NDUFAF6: variants seen among roughly 807,000 people sequenced by gnomAD.
The protein encoded by NDUFAF6 is NADH dehydrogenase (ubiquinone) complex I, assembly factor 6.
Under a neutral mutation model 40.8 loss-of-function variants are expected in NDUFAF6, and 45 were observed. That is an observed-to-expected ratio of 1.10 (90% CI 0.87 to 1.42). NDUFAF6 has a LOEUF of 1.42. NDUFAF6 is among the 40% of genes most tolerant of loss of function. NDUFAF6 has a pLI of 0.00. For synonymous variants in NDUFAF6, 185 were observed against 155.9 expected (o/e 1.19, Z -1.39); for missense variants, 435 against 418.5 (o/e 1.04, Z -0.34).
intron 1 of NDUFAF6, among the ~76,000 whole-genome samples, chr8:94,931,394 A>G (rs1490374528): frequency 6.6e-6 from 1 of 151,932 alleles, no homozygotes. Context: ...AAGACTCTTG[A>G]ATAACACAAT....
chr8:94,912,265 T>G (rs1198554833), intron 1 of NDUFAF6, among the ~76,000 whole-genome samples: 1 of 152,248 alleles, frequency 6.6e-6, no homozygotes, highest in Non-Finnish European at 1.5e-5. Flanking sequence ...TTCCTACAAG[T>G]GCATTATTTG....
At chr8:94,973,267 G>A (rs1275827369) in intron 1 of NDUFAF6, among the ~76,000 whole-genome samples, 1 of 151,926 alleles carries the variant, frequency 6.6e-6, no homozygotes, top group African/African-American at 2.4e-5. Context: ...TCTGTAAAAT[G>A]GAGATGATAG....
At chr8:94,993,736 A>G (rs55865568) in intron 2 of NDUFAF6, among the ~76,000 whole-genome samples, 16,235 of 152,194 alleles carry the variant, frequency 0.11, 1,658 homozygotes, top group African/African-American at 0.27. Context: ...AAGACAAGCT[A>G]AAGAAGTGCC....
chr8:95,024,900 A>T, upstream of NDUFAF6: 1 of 969,218 alleles, frequency 1.0e-6, no homozygotes, highest in Non-Finnish European at 1.3e-6. Flanking sequence ...CGGCGTCCAG[A>T]GGCTGCCTTC....
At chr8:95,073,630 C>T (rs1293964299) in intron 9 of NDUFAF6, among the ~76,000 whole-genome samples, 1 of 152,178 alleles carries the variant, frequency 6.6e-6, no homozygotes, top group Non-Finnish European at 1.5e-5. Flanking sequence ...ATTCTAACAC[C>T]TTCACTGGGT....
chr8:95,087,438 T>C (rs10087402), intron 2 of NDUFAF6, among the ~76,000 whole-genome samples: 12,409 of 152,276 alleles, frequency 0.081, 627 homozygotes, highest in Middle Eastern at 0.14. Flanking sequence ...TGGGACTTTT[T>C]TTCATCCCAT....
intron 5 of NDUFAF6, 26 bp downstream of exon 5, chr8:95,045,673 T>A: frequency 6.4e-7 from 1 of 1,560,884 alleles, no homozygotes; most frequent in Non-Finnish European, 8.8e-7. Context: ...GTTTCATACT[T>A]CTTTTTTCCA....
intron 3 of NDUFAF6, chr8:95,040,996 TGGA>T (rs1166546505): frequency 1.3e-5 from 2 of 152,396 alleles, no homozygotes; most frequent in East Asian, 3.8e-4. Context: ...TTATTTTTGT[TGGA>T]GTTTTAGTTA....
rs775698110 is a variant in NDUFAF6, at chr8:95,057,947, A to C, written c.*10A>C. The C allele has an allele frequency of 2.0e-6, 3 of 1,516,950 alleles. No homozygotes were observed. 94.0% of individuals were successfully genotyped at this position (1,516,950 alleles called of 1,614,324 possible). ...GAGAAAAACATATTAAAATAATTTC[A>C]TGGCATTGATGTTAATTCTAGTCTA... On this transcript the variant is annotated 3_prime_UTR_variant, in exon 9 of 9. Coordinates refer to ENST00000396124, the MANE Select transcript of NDUFAF6 (RefSeq NM_152416.4).
At chr8:94,947,955 A>G (rs930406355) in intron 2 of NDUFAF6, among the ~76,000 whole-genome samples, 1 of 152,258 alleles carries the variant, frequency 6.6e-6, no homozygotes, top group Non-Finnish European at 1.5e-5. Flanking sequence ...ATGTATTTCA[A>G]TTACCAGGCT....
At chr8:95,075,755 A>G (rs1276291242) in exon 10 of NDUFAF6, 5 of 1,258,950 alleles carry the variant, frequency 4.0e-6, no homozygotes, top group African/African-American at 1.5e-5. Context: ...TTCTCCAGGT[A>G]CTTGAGCTTG....
At chr8:95,025,429 C>T (rs1162748610) in intron 1 of NDUFAF6, among the ~76,000 whole-genome samples, 1 of 152,228 alleles carries the variant, frequency 6.6e-6, no homozygotes, top group Non-Finnish European at 1.5e-5. Flanking sequence ...CTTCGACTGC[C>T]CACGCTTGTC....
chr8:95,062,366 A>G (rs1339330913), downstream of NDUFAF6, among the ~76,000 whole-genome samples: 1 of 152,226 alleles, frequency 6.6e-6, no homozygotes, highest in Non-Finnish European at 1.5e-5. Flanking sequence ...ATAGTGACCT[A>G]CATCTAGTAA....
intron 4 of NDUFAF6, among the ~76,000 whole-genome samples, chr8:95,111,844 G>T (rs576017563): frequency 3.9e-5 from 6 of 152,290 alleles, no homozygotes; most frequent in Admixed American, 1.3e-4. Context: ...TCATACAAAT[G>T]ACCATATATT....
At chr8:94,937,774 T>C (rs1215494493) in intron 1 of NDUFAF6, among the ~76,000 whole-genome samples, 3 of 152,184 alleles carry the variant, frequency 2.0e-5, no homozygotes, top group Non-Finnish European at 4.4e-5. Flanking sequence ...CTAAGGGTCT[T>C]ATGGGGGTTA....
At chr8:94,965,229 A>G (rs1586829576) in intron 1 of NDUFAF6, among the ~76,000 whole-genome samples, 1 of 146,096 alleles carries the variant, frequency 6.8e-6, no homozygotes, top group Non-Finnish European at 1.5e-5. Context: ...GGCCATATAC[A>G]TATCGAAGGT....
rs548184708 is a variant in NDUFAF6 at position 95,066,936 on chromosome 8, G to T, written c.*512-8697G>T. ...CAGATGTGAACCATAATAACCAGGA[G>T]AAGTGGCATGCTGGGCCCAGGGCCC... is the stretch of plus-strand genomic sequence containing the variant. On this transcript the variant is annotated intron_variant and NMD_transcript_variant, in intron 9 of 9. Coordinates refer to the NDUFAF6 transcript ENST00000520757. The T allele has an allele frequency of 2.0e-5, 3 of 152,328 alleles. No individual in the cohort carries two copies. The South Asian group carries it at 6.2e-4, about 32-fold the overall frequency. 9.4% of individuals were successfully genotyped at this position (152,328 alleles called of 1,614,324 possible). A position where few individuals can be genotyped will look rare whatever the true frequency, so the allele number is the denominator to read the frequency against.
chr8:95,037,307 G>A (rs1206350932), intron 3 of NDUFAF6, among the ~76,000 whole-genome samples: 2 of 152,178 alleles, frequency 1.3e-5, no homozygotes, highest in African/African-American at 4.8e-5. Flanking sequence ...CTGAATCAGA[G>A]CTATATTTTA....
At chr8:94,976,565 T>C (rs1287324207) in intron 1 of NDUFAF6, among the ~76,000 whole-genome samples, 4 of 148,382 alleles carry the variant, frequency 2.7e-5, no homozygotes, top group African/African-American at 1.0e-4. Flanking sequence ...TCCCAGCTAC[T>C]TGGGAGGCTG....
Sources: gnomAD v4.1 joint callset for allele counts (sites outside exome capture counted in the v4.1 genomes callset) on GRCh38, gnomAD v4.1.1 for gene constraint, MANE v1.5 for transcripts, NCBI Gene and HGNC (gene_info 2026-07-23, HGNC 2026-07-21) for gene names.